The following ACADM variants were observed in gnomAD, a reference collection of about 807,000 sequenced individuals.
The protein encoded by ACADM is acyl-CoA dehydrogenase medium chain, also known as medium-chain specific acyl-CoA dehydrogenase, mitochondrial.
In ACADM, 49 loss-of-function variants were observed where a neutral mutation model predicts 58.9. The ratio of observed to expected loss-of-function variants is 0.83; its 90% CI spans 0.66 to 1.06. ACADM has a LOEUF of 1.06. ACADM is among the 50% of genes least tolerant of loss of function. ACADM has a pLI of 0.00. For synonymous variants in ACADM, 160 were observed against 157.7 expected, an observed-to-expected ratio of 1.01 and a Z score of -0.11; for missense variants, 496 against 507.0, an observed-to-expected ratio of 0.98 and a Z score of 0.21.
At chr1:75,742,803 C>G (rs1146578) in intron 7 of ACADM, among the ~76,000 whole-genome samples, 2 of 152,298 alleles carry the variant, frequency 1.3e-5, no homozygotes, top group African/African-American at 4.8e-5. Context: ...CCTCTGCTCT[C>G]TCCTCCCATT....
intron 8 of ACADM, among the ~76,000 whole-genome samples, chr1:75,749,051 T>C (rs562501732): frequency 2.8e-4 from 43 of 152,342 alleles, no homozygotes; most frequent in African/African-American, 1.0e-3. Flanking sequence ...TTTGTCTTTG[T>C]TGATAAGATG....
intron 1 of ACADM, among the ~76,000 whole-genome samples, chr1:75,726,800 CTTTTTTTT>C (rs748703972): frequency 8.3e-6 from 1 of 119,844 alleles, no homozygotes; most frequent in Non-Finnish European, 1.7e-5. Flanking sequence ...AACTGTTTCA[CTTTTTTTT>C]TTTTTTTTTT....
intron 10 of ACADM, among the ~76,000 whole-genome samples, chr1:75,760,579 A>AAAAAAAAAAAAAAAAAAAAAAAC (rs1648785445): frequency 7.5e-6 from 1 of 133,330 alleles, no homozygotes; most frequent in Non-Finnish European, 1.6e-5. Flanking sequence ...AAAAAAAAAA[A>AAAAAAAAAAAAAAAAAAAAAAAC]ATCAGGCAAA....
At chr1:75,737,283 T>TATAA (rs1647309750) in intron 6 of ACADM, among the ~76,000 whole-genome samples, 1 of 32,588 alleles carries the variant, frequency 3.1e-5, no homozygotes, top group Non-Finnish European at 5.3e-5. Flanking sequence ...CACACAAATA[T>TATAA]ATATATATAT....
intron 1 of ACADM, among the ~76,000 whole-genome samples, chr1:75,726,025 G>C (rs1021960169): frequency 6.6e-6 from 1 of 152,200 alleles, no homozygotes; most frequent in African/African-American, 2.4e-5. Context: ...GATGGGCATT[G>C]TATTCTGGTA....
rs1648917759 is a variant in ACADM, at chr1:75,762,695, T to G, written c.1198T>G (p.Tyr400Asp). Residue 400 changes from tyrosine (Y) to aspartate (D), a missense_variant, in exon 12 of 12, where the codon TAT becomes GAT. Coordinates refer to ENST00000370841, the MANE Select transcript of ACADM (RefSeq NM_000016.6). ...TACACTTATATTTTTCTTGCAGATT[T>G]ATGAAGGTACTTCACAAATTCAAAG... The part of the protein sequence containing the change: ...LMRDAKIYQI[Y>D]EGTSQIQRLI... The G allele has an allele frequency of 6.3e-7, 1 of 1,599,988 alleles. No individual in the cohort carries two copies. The highest frequency in any genetic ancestry group is 2.2e-5 in the East Asian group (1 of 44,644).
At chr1:75,759,880 CAA>C (rs1222431832) in intron 10 of ACADM, among the ~76,000 whole-genome samples, 3 of 151,842 alleles carry the variant, frequency 2.0e-5, no homozygotes, top group African/African-American at 4.8e-5. Context: ...AGGCTCGTCT[CAA>C]ACTCCCAACC....
Position 75,724,758 on chromosome 1 carries a change from A to T in ACADM, c.-30A>T. 6.5e-7 allele frequency: 1 copy of T among 1,534,360 alleles called. No individual in the cohort carries two copies. Among genetic ancestry groups the T allele is most frequent in the Non-Finnish European group, 8.8e-7 (1 of 1,139,300 alleles). ...ATGTCAAGGCCGTGACCCGTGTATT[A>T]TTGTCCGAGTGGCCGGAACGGGAGC... On this transcript the variant is annotated 5_prime_UTR_variant, in exon 1 of 12. Coordinates refer to ENST00000370841, the MANE Select transcript of ACADM (RefSeq NM_000016.6).
At chr1:75,733,412 C>T (rs1647186010) in intron 4 of ACADM, 116 bp from the exon 5 acceptor site, 1 of 1,113,552 alleles carries the variant, frequency 9.0e-7, no homozygotes, top group Non-Finnish European at 1.3e-6. Context: ...TATTATATTG[C>T]AAATTTCCTT....
chr1:75,738,524 C>T (rs1015560905), intron 6 of ACADM, among the ~76,000 whole-genome samples: 3 of 152,066 alleles, frequency 2.0e-5, no homozygotes, highest in Non-Finnish European at 2.9e-5. Flanking sequence ...CCACCACGCC[C>T]GGCCCTAAGT....
At chr1:75,724,839 C>T in intron 1 of ACADM, 22 bp downstream of exon 1, 3 of 1,465,682 alleles carry the variant, frequency 2.0e-6, no homozygotes, top group East Asian at 2.7e-5. Context: ...CCCAGCGGTG[C>T]GGTGGGGCTG....
Position 75,733,593 on chromosome 1 carries a change from G to A in ACADM, c.352G>A (p.Gly118Arg). The A allele has an allele frequency of 1.2e-6, 2 of 1,614,090 alleles. No individual in the cohort carries two copies. Among genetic ancestry groups the A allele is most frequent in the Non-Finnish European group, 1.7e-6 (2 of 1,179,988 alleles). Reference protein sequence around the residue: ...ISEELAYGCTGVQTAIEGNSL... With the variant: ...ISEELAYGCTRVQTAIEGNSL... The stretch of plus-strand genomic sequence containing the variant: ...TGAAGAATTGGCTTATGGATGTACA[G>A]GGGTTCAGACTGCTATTGAAGGAAA... The change falls in exon 5 of 12, where the codon GGG (glycine) becomes AGG (arginine). Residue 118 changes from glycine to arginine, a missense_variant. Coordinates refer to ENST00000370841, the MANE Select transcript of ACADM (RefSeq NM_000016.6).
At position 75,734,576 on chromosome 1, in the gene ACADM, A is replaced by G. The variant is rs1263705618; in HGVS notation, c.388-215A>G. On this transcript the variant is annotated intron_variant, in intron 5 of 11. Transcript: ENST00000370841. ...CTATAGTAGATTTTCACAGATTATA[A>G]TGCCACAGGTCCTACATATAACCTA... is the stretch of plus-strand genomic sequence containing the variant. The G allele has an allele frequency of 1.1e-5, 6 of 529,104 alleles. No individual in the cohort carries two copies. The East Asian group carries it at 1.7e-4, about 15-fold the overall frequency. The allele number at this position is 529,104 out of a possible 1,614,324, so 32.8% of individuals were successfully genotyped here. A position where few individuals can be genotyped will look rare whatever the true frequency, so the allele number is the denominator to read the frequency against.
At chr1:75,758,288 C>G (rs936615091) in intron 10 of ACADM, among the ~76,000 whole-genome samples, 5 of 152,096 alleles carry the variant, frequency 3.3e-5, no homozygotes, top group African/African-American at 1.2e-4. Context: ...CCAGGCTGGT[C>G]TCAAACTCCT....
chr1:75,730,759 T>TGCCTCAGCCTCC (rs1183600172), intron 2 of ACADM, among the ~76,000 whole-genome samples: 1 of 152,042 alleles, frequency 6.6e-6, no homozygotes, highest in African/African-American at 2.4e-5. Context: ...ACTCCTGGCC[T>TGCCTCAGCCTCC]CAAATGGTTC....
chr1:75,732,796 T>C, intron 3 of ACADM, 55 bp downstream of exon 3: 2 of 1,605,242 alleles, frequency 1.2e-6, no homozygotes, highest in Non-Finnish European at 1.7e-6. Context: ...TACAAGATTA[T>C]GTAATCAAAC....
At chr1:75,743,507 G>C (rs1647700861) in intron 7 of ACADM, 2 of 1,609,042 alleles carry the variant, frequency 1.2e-6, no homozygotes, top group Non-Finnish European at 1.7e-6. Flanking sequence ...TCAATCAGCC[G>C]GTGATCATAG....
intron 9 of ACADM, 125 bp from the exon 10 acceptor site, chr1:75,750,326 C>T (rs929896842): frequency 2.5e-6 from 2 of 793,260 alleles, no homozygotes; most frequent in Non-Finnish European, 4.3e-6. Flanking sequence ...TCCCTGTTCC[C>T]CACCAGTTTC....
intron 10 of ACADM, chr1:75,751,030 C>T (rs988281137): frequency 6.2e-5 from 11 of 177,442 alleles, no homozygotes; most frequent in Non-Finnish European, 1.1e-4. Flanking sequence ...TGGGCCCGGC[C>T]TTGTGCTATG....
Sources: gnomAD v4.1 joint callset for allele counts (sites outside exome capture counted in the v4.1 genomes callset) on GRCh38, gnomAD v4.1.1 for gene constraint, MANE v1.5 for transcripts, NCBI Gene and HGNC (gene_info 2026-07-23, HGNC 2026-07-21) for gene names.